DENND4A: variants seen among roughly 807,000 people sequenced by gnomAD.
DENND4A encodes the protein DENN domain containing 4A.
DENND4A carries 70 observed loss-of-function variants against 199.3 expected under a neutral mutation model. That is an observed-to-expected ratio of 0.35 (90% confidence interval 0.29 to 0.43). DENND4A has a LOEUF of 0.43. Among genes scored for constraint, DENND4A ranks in the 20% least tolerant of loss-of-function variants. The probability of loss-of-function intolerance (pLI) is 1.00; values close to 1 mark genes in which losing one functional copy is unlikely to be tolerated. For synonymous variants in DENND4A, 686 were observed against 766.9 expected, an observed-to-expected ratio of 0.89 and a Z score of 1.74; for missense variants, 1,723 against 2,255.8, an observed-to-expected ratio of 0.76 and a Z score of 4.78.
intron 4 of DENND4A, among the ~76,000 whole-genome samples, chr15:65,749,478 T>C (rs1166062270): frequency 2.0e-5 from 3 of 152,210 alleles, no homozygotes; most frequent in Non-Finnish European, 4.4e-5. Context: ...GATTTAGTTA[T>C]AAGTATGTTC....
At chr15:65,663,209 T>A (rs1394601379) in intron 32 of DENND4A, among the ~76,000 whole-genome samples, 2 of 145,798 alleles carry the variant, frequency 1.4e-5, no homozygotes, top group Admixed American at 6.8e-5. Flanking sequence ...TTTTTTTTTT[T>A]TTATTTTTTT....
intron 1 of DENND4A, among the ~76,000 whole-genome samples, chr15:65,767,645 C>T (rs952739570): frequency 3.3e-5 from 5 of 152,046 alleles, no homozygotes; most frequent in African/African-American, 9.7e-5. Context: ...ATACCATTAT[C>T]GAGTACCATG....
Position 65,669,862 on chromosome 15 carries a change from C to T in DENND4A, c.4704G>A (p.Gln1568=). The change falls in exon 27 of 33, where the codon CAG becomes CAA. Residue 1568 remains glutamine (Q), a synonymous_variant. Coordinates refer to ENST00000443035, the MANE Select transcript of DENND4A (RefSeq NM_001320835.1). ...ATGTTGAAATGCAAGACTGCCTCGTCTGACTTGAAATGGAGGATGGAAAGT... is the reference window on the plus strand; with the variant it reads ...ATGTTGAAATGCAAGACTGCCTCGTTTGACTTGAAATGGAGGATGGAAAGT... ...NMHFPSSISS[Q]TRQSCISTSA... is the part of the protein sequence containing the mutation. 6.2e-7 allele frequency: 1 copy of T among 1,613,878 alleles called. No individual in the cohort carries two copies. The highest frequency in any genetic ancestry group is 8.5e-7 in the Non-Finnish European group (1 of 1,179,832).
chr15:65,668,504 C>T (rs117823471), intron 27 of DENND4A, among the ~76,000 whole-genome samples: 5 of 152,148 alleles, frequency 3.3e-5, no homozygotes, highest in South Asian at 2.1e-4. Flanking sequence ...CCACCACTAC[C>T]GGCCATGTTC....
intron 4 of DENND4A, among the ~76,000 whole-genome samples, chr15:65,749,005 A>T (rs2076490168): frequency 6.6e-6 from 1 of 151,910 alleles, no homozygotes; most frequent in Non-Finnish European, 1.5e-5. Flanking sequence ...AAAAAAAAAA[A>T]ACAAAAAGAA....
At chr15:65,751,325 T>A (rs2076555779) in intron 4 of DENND4A, among the ~76,000 whole-genome samples, 1 of 152,218 alleles carries the variant, frequency 6.6e-6, no homozygotes, top group African/African-American at 2.4e-5. Context: ...ACTAGAAGAA[T>A]GGAATTTCCA....
In DENND4A at chr15:65,700,634, C is replaced by A; in HGVS notation, c.2743G>T (p.Asp915Tyr). The A allele has an allele frequency of 6.5e-7, 1 of 1,546,328 alleles. No individual in the cohort carries two copies. The highest frequency in any genetic ancestry group is 1.2e-5 in the South Asian group (1 of 83,174). The change falls in exon 20 of 33, where the codon GAT (aspartate) becomes TAT (tyrosine). Residue 915 changes from aspartate to tyrosine, a missense_variant. Around this residue, in one of 6 missense-constraint regions of DENND4A, gnomAD observed 650 missense variants for 738.1 expected, o/e 0.88. Transcript: ENST00000443035. ...ACAGTGTGTGTCCCATGACCACTAT[C>A]CATGCTGCCATGACTAACAGCATCC... is the stretch of plus-strand genomic sequence containing the variant. ...DLDAVSHGSM[D>Y]SGHGTHTVEQ...
At chr15:65,790,126 T>C (rs1032087232) in intron 1 of DENND4A, among the ~76,000 whole-genome samples, 5 of 152,248 alleles carry the variant, frequency 3.3e-5, no homozygotes, top group Middle Eastern at 3.2e-3. Flanking sequence ...ATAAATGTCA[T>C]GTAGTCTCTT....
intron 14 of DENND4A, among the ~76,000 whole-genome samples, chr15:65,714,001 A>T (rs1366540245): frequency 6.6e-6 from 1 of 152,180 alleles, no homozygotes; most frequent in African/African-American, 2.4e-5. Flanking sequence ...TTATTTCTGT[A>T]TCTATCATTG....
chr15:65,692,450 TATC>T (rs780094623), intron 22 of DENND4A, among the ~76,000 whole-genome samples: 21 of 152,210 alleles, frequency 1.4e-4, no homozygotes, highest in Admixed American at 7.9e-4. Context: ...CTAGGTATAG[TATC>T]ATCAACTATT....
rs551423631 is a variant in DENND4A at position 65,775,737 on chromosome 15, T to A, written c.-101-14299A>T. 4.1e-3 allele frequency among the ~76,000 whole-genome samples: 605 copies of A among 148,518 alleles called. 5 individuals are homozygous for A. Among genetic ancestry groups the A allele is most frequent in the Admixed American group, 0.019 (277 of 14,954 alleles). On this transcript the variant is annotated intron_variant, in intron 1 of 32. Coordinates refer to ENST00000443035, the MANE Select transcript of DENND4A (RefSeq NM_001320835.1). ...TTCCCAAAATGACATCAAAATTATA[T>A]AACAAAAAGTGATTTGAGTATTCTA...
rs999573005 is a variant in DENND4A at position 65,671,838 on chromosome 15, G to C, written c.4418C>G (p.Ser1473Cys). The C allele has an allele frequency of 9.9e-6, 16 of 1,613,018 alleles. No homozygotes were observed. The highest frequency in any genetic ancestry group is 1.6e-4 in the Middle Eastern group (1 of 6,084). ...ALPGKSEVTS[S>C]FNASNTNIFQ... ...GATATTTGTATTACTCGCGTTGAAG[G>C]AAGATGTCACTTCTGATTTCCCAGG... The change falls in exon 25 of 33, where the codon TCC becomes TGC. Residue 1473 changes from serine to cysteine, a missense_variant. Ser to Cys is a moderately radical substitution (Grantham distance 112, BLOSUM62 -1). This residue lies in a region of DENND4A where 650 missense variants were observed against 738.1 expected (regional missense o/e 0.88). Transcript: ENST00000443035.
At chr15:65,713,440 TCA>T (rs1468186215) in intron 14 of DENND4A, among the ~76,000 whole-genome samples, 1 of 152,242 alleles carries the variant, frequency 6.6e-6, no homozygotes, top group African/African-American at 2.4e-5. Flanking sequence ...CAGATGATGT[TCA>T]TTTTGATAAC....
rs573935476 is a variant in DENND4A, at chr15:65,746,369, C to CTTTTTTTTTTTTTTTTTT, written c.562-4603_562-4586dup. 3.7e-4 allele frequency among the ~76,000 whole-genome samples: 19 copies of CTTTTTTTTTTTTTTTTTT among 51,302 alleles called. 4 individuals carry two copies. Among genetic ancestry groups the CTTTTTTTTTTTTTTTTTT allele is most frequent in the Non-Finnish European group, 4.7e-4 (13 of 27,576 alleles). The allele number at this position is 51,302 out of a possible 152,430, so 33.7% of individuals were successfully genotyped here. On this transcript the variant is annotated intron_variant, in intron 4 of 32. Coordinates refer to ENST00000443035, the MANE Select transcript of DENND4A (RefSeq NM_001320835.1). The stretch of plus-strand genomic sequence containing the variant: ...CTTGTTAACAATTCTACTTTTTTCT[C>CTTTTTTTTTTTTTTTTTT]TTTTTTTTTTTTTTTTTTTTTTTTT...
Position 65,705,652 on chromosome 15 carries a change from C to T in DENND4A, c.2087+439G>A, listed in dbSNP as rs562598246. On this transcript the variant is annotated intron_variant, in intron 15 of 32. Coordinates refer to ENST00000443035, the MANE Select transcript of DENND4A (RefSeq NM_001320835.1). ...AAATTAGTAACTTAAAAAATTATAT[C>T]GTACAAATCAAGGCCACGAAGATTG... 7.9e-5 allele frequency among the ~76,000 whole-genome samples: 12 copies of T among 152,008 alleles called. No individual in the cohort carries two copies. The East Asian group carries it at 2.1e-3, about 27-fold the overall frequency.
At chr15:65,759,504 T>C (rs1191217204) in intron 2 of DENND4A, among the ~76,000 whole-genome samples, 1 of 152,088 alleles carries the variant, frequency 6.6e-6, no homozygotes, top group Non-Finnish European at 1.5e-5. Context: ...AAAATGGGAC[T>C]AAAGAAGATT....
At chr15:65,756,074 A>C (rs1352123667) in intron 3 of DENND4A, 66 bp downstream of exon 3, 1 of 1,349,162 alleles carries the variant, frequency 7.4e-7, no homozygotes, top group African/African-American at 1.5e-5. Context: ...ATGAACAGTT[A>C]ATCTCCAAAT....
rs931545974 is a variant in DENND4A at position 65,661,052 on chromosome 15, A to G, written c.*799T>C. 1.2e-4 allele frequency: 18 copies of G among 152,256 alleles called. No individual in the cohort carries two copies. The highest frequency in any genetic ancestry group is 4.3e-4 in the African/African-American group (18 of 41,538). 9.4% of individuals were successfully genotyped at this position (152,256 alleles called of 1,614,324 possible). A position where few individuals can be genotyped will look rare whatever the true frequency, so the allele number is the denominator to read the frequency against. ...CTATACGTATCTATTAGCAATAGAG[A>G]CAATTTTGGAGTCATGGTATAGTGA... On this transcript the variant is annotated 3_prime_UTR_variant, in exon 33 of 33. Coordinates refer to ENST00000443035, the MANE Select transcript of DENND4A (RefSeq NM_001320835.1).
At chr15:65,704,888 G>A (rs2074999841) in intron 15 of DENND4A, among the ~76,000 whole-genome samples, 1 of 151,894 alleles carries the variant, frequency 6.6e-6, no homozygotes, top group Non-Finnish European at 1.5e-5. Flanking sequence ...CACCGCGTCT[G>A]GCCAAATTTT....
Sources: gnomAD v4.1 joint callset for allele counts (sites outside exome capture counted in the v4.1 genomes callset) on GRCh38, gnomAD v4.1.1 for gene constraint, gnomAD v4.1.1 regional missense constraint, MANE v1.5 for transcripts, NCBI Gene and HGNC (gene_info 2026-07-23, HGNC 2026-07-21) for gene names.